ITGAE: variants seen among roughly 807,000 people sequenced by gnomAD.
ITGAE encodes the protein integrin alpha-E.
A neutral mutation model predicts 136.5 loss-of-function variants in ITGAE; 99 were observed. The ratio of observed to expected loss-of-function variants is 0.73; its 90% confidence interval spans 0.62 to 0.86. The LOEUF (loss-of-function observed/expected upper bound fraction) is 0.86. Ranked by LOEUF, ITGAE falls within the 40% of genes least tolerant of loss-of-function variation. The pLI is 0.00. For synonymous variants in ITGAE, 613 were observed against 591.8 expected, an observed-to-expected ratio of 1.04 and a Z score of -0.52; for missense variants, 1,447 against 1,515.3, an observed-to-expected ratio of 0.95 and a Z score of 0.75.
intron 30 of ITGAE, among the ~76,000 whole-genome samples, chr17:3,715,511 C>A (rs1002121872): frequency 6.6e-6 from 1 of 152,084 alleles, no homozygotes; most frequent in African/African-American, 2.4e-5. Context: ...AGAAAAGCAG[C>A]CTACGCGTAC....
At chr17:3,745,960 T>G (rs1213435446) in intron 17 of ITGAE, 33 bp from the exon 18 acceptor site, 1 of 1,598,026 alleles carries the variant, frequency 6.3e-7, no homozygotes, top group Admixed American at 1.7e-5. Flanking sequence ...CCCGATGAGG[T>G]GGGGATGAGC....
intron 1 of ITGAE, among the ~76,000 whole-genome samples, chr17:3,793,321 G>A (rs899450776): frequency 6.6e-6 from 1 of 152,032 alleles, no homozygotes; most frequent in Non-Finnish European, 1.5e-5. Flanking sequence ...AAAGTGCTGG[G>A]ATTACAGGTG....
chr17:3,771,436 G>A (rs1410858381), intron 2 of ITGAE, among the ~76,000 whole-genome samples: 2 of 152,156 alleles, frequency 1.3e-5, no homozygotes, highest in Admixed American at 6.5e-5. Context: ...GGGCCTAGGC[G>A]CCGCAGCTCA....
At chr17:3,797,140 AATAT>A (rs10538298) in intron 1 of ITGAE, among the ~76,000 whole-genome samples, 85 of 70,984 alleles carry the variant, frequency 1.2e-3, no homozygotes, top group South Asian at 8.7e-3. Flanking sequence ...CTGGAAACTA[AATAT>A]ATATATATAT....
chr17:3,763,367 G>A (rs1470423771), intron 3 of ITGAE, among the ~76,000 whole-genome samples: 3 of 151,918 alleles, frequency 2.0e-5, no homozygotes, highest in African/African-American at 4.8e-5. Context: ...CCTAATATAT[G>A]TCAGGCCCCA....
chr17:3,744,008 T>C (rs956054853), intron 18 of ITGAE, among the ~76,000 whole-genome samples: 2 of 150,926 alleles, frequency 1.3e-5, no homozygotes, highest in African/African-American at 2.4e-5. Context: ...CGGCCTCTTT[T>C]CTTTTTTTTT....
chr17:3,745,770 C>T lies in ITGAE; in HGVS notation c.2313G>A (p.Glu771=). 6.2e-7 allele frequency: 1 copy of T among 1,613,964 alleles called. No individual in the cohort carries two copies. Among genetic ancestry groups the T allele is most frequent in the Non-Finnish European group, 8.5e-7 (1 of 1,179,948 alleles). The change falls in exon 18 of 31, where the codon GAG becomes GAA. Residue 771 remains glutamate, a synonymous_variant. Coordinates refer to ENST00000263087, the MANE Select transcript of ITGAE (RefSeq NM_002208.5). ...TCCAAACTCCGTCACTTACCTCTCC[C>T]TCTGTGGGCATGAGCAGGAGGTCCT... The part of the protein sequence containing the change: ...LCEDLLLMPT[E]GELCEEDCFS...
At chr17:3,776,818 C>T (rs1217461137) in intron 2 of ITGAE, among the ~76,000 whole-genome samples, 1 of 152,148 alleles carries the variant, frequency 6.6e-6, no homozygotes, top group East Asian at 1.9e-4. Flanking sequence ...TTCAGCCTCC[C>T]TAAGTGTTGA....
intron 6 of ITGAE, 116 bp downstream of exon 6, chr17:3,760,897 A>T: frequency 7.0e-7 from 1 of 1,435,258 alleles, no homozygotes; most frequent in Non-Finnish European, 9.2e-7. Context: ...TCAGGTCTGT[A>T]AAGTCCAGCC....
At chr17:3,782,588 G>A (rs4453537) in intron 1 of ITGAE, among the ~76,000 whole-genome samples, 6,924 of 151,842 alleles carry the variant, frequency 0.046, 238 homozygotes, top group East Asian at 0.13. Context: ...GGCTGGTCTC[G>A]AACTCCTGAC....
At chr17:3,717,306 CA>C (rs2143005357) in intron 29 of ITGAE, 1 of 154,034 alleles carries the variant, frequency 6.5e-6, no homozygotes, top group East Asian at 1.9e-4. Context: ...TAAAATATGA[CA>C]AAAGTACTGG....
In ITGAE at chr17:3,724,803, G is replaced by C. The variant is rs1169209900; in HGVS notation, c.3085-1059C>G. 3 of 1,614,080 alleles carry C rather than the reference G, an allele frequency of 1.9e-6. No homozygotes were observed. The highest frequency in any genetic ancestry group is 2.5e-6 in the Non-Finnish European group (3 of 1,180,054). On this transcript the variant is annotated intron_variant, in intron 26 of 30. Transcript: ENST00000263087. Reference sequence around the variant, plus strand: ...AGAGGGTCCAGGTCTGTCAAGCACAGGCAAGAGGAGGGCCACAGGCCAGGA... The same window carrying C: ...AGAGGGTCCAGGTCTGTCAAGCACACGCAAGAGGAGGGCCACAGGCCAGGA...
In ITGAE at chr17:3,759,421, A is replaced by G; in HGVS notation, c.847T>C (p.Ser283Pro). The change falls in exon 8 of 31, where the codon TCA (serine) becomes CCA (proline). Residue 283 changes from serine (S) to proline (P), a missense_variant. Ser to Pro is a moderately conservative substitution (Grantham distance 74). Around this residue, in one of 3 missense-constraint regions of ITGAE, gnomAD observed 310 missense variants for 416.1 expected, o/e 0.74. Transcript: ENST00000263087. The part of the protein sequence containing the change: ...TQVGSVTKTA[S>P]AMQHVLDSIF... Reference sequence around the variant, plus strand: ...ACTCACAAGACGTGTTGCATGGCTGAGGCAGTCTTGGTGACACTCCCCACT... The same window carrying G: ...ACTCACAAGACGTGTTGCATGGCTGGGGCAGTCTTGGTGACACTCCCCACT... 2 of 1,613,988 alleles carry G rather than the reference A, an allele frequency of 1.2e-6. No homozygotes were observed. Among genetic ancestry groups the G allele is most frequent in the Non-Finnish European group, 8.5e-7 (1 of 1,179,880 alleles).
intron 8 of ITGAE, among the ~76,000 whole-genome samples, chr17:3,758,217 A>G (rs6502742): frequency 0.82 from 124,725 of 152,150 alleles, 52,356 homozygotes; most frequent in African/African-American, 0.96. Context: ...CCATCCAACC[A>G]TCACAAAATC....
rs191853817 is a variant in ITGAE at position 3,747,340 on chromosome 17, C to T, written c.2155+582G>A. Among the ~76,000 whole-genome samples, 658 of 151,438 alleles carry T rather than the reference C, an allele frequency of 4.3e-3. 6 individuals carry two copies. The highest frequency in any genetic ancestry group is 0.015 in the African/African-American group (614 of 41,298). Reference sequence around the variant, plus strand: ...CTGAGTCTTTTTTTTTTTTCTGAGACGGAGTCTCGCTCTGTCACCCAGCGT... The same window carrying T: ...CTGAGTCTTTTTTTTTTTTCTGAGATGGAGTCTCGCTCTGTCACCCAGCGT... On this transcript the variant is annotated intron_variant, in intron 17 of 30. Coordinates refer to ENST00000263087, the MANE Select transcript of ITGAE (RefSeq NM_002208.5).
chr17:3,757,543 G>A (rs979551313), intron 9 of ITGAE, among the ~76,000 whole-genome samples, 163 bp downstream of exon 9: 2 of 152,256 alleles, frequency 1.3e-5, no homozygotes, highest in East Asian at 3.9e-4. Flanking sequence ...ATGGGGAAAT[G>A]AGCCCTCTCT....
intron 2 of ITGAE, among the ~76,000 whole-genome samples, chr17:3,770,598 G>A (rs2052397147): frequency 2.0e-5 from 3 of 152,154 alleles, no homozygotes; most frequent in Non-Finnish European, 1.5e-5. Flanking sequence ...TTCTAGGCCC[G>A]AGTTGGCCAG....
rs576424561 is a variant in ITGAE at position 3,751,091 on chromosome 17, A to G, written c.1893+559T>C. On this transcript the variant is annotated intron_variant, in intron 15 of 30. Transcript: ENST00000263087. ...CTGAGGTTTCCGGTGTGGGGTGTGGAGGGGGATGAGGTCTCAGAGGAGCAT... is the reference window on the plus strand; with the variant it reads ...CTGAGGTTTCCGGTGTGGGGTGTGGGGGGGGATGAGGTCTCAGAGGAGCAT... 6.6e-5 allele frequency among the ~76,000 whole-genome samples: 10 copies of G among 151,484 alleles called. No homozygotes were observed. The South Asian group carries it at 1.9e-3, about 29-fold the overall frequency.
intron 20 of ITGAE, among the ~76,000 whole-genome samples, chr17:3,737,198 C>T (rs1040359333): frequency 3.3e-5 from 5 of 152,172 alleles, no homozygotes; most frequent in African/African-American, 1.2e-4. Flanking sequence ...GAGGCTGAGG[C>T]AGGAGAAGCA....
Sources: gnomAD v4.1 joint callset for allele counts (sites outside exome capture counted in the v4.1 genomes callset) on GRCh38, gnomAD v4.1.1 for gene constraint, gnomAD v4.1.1 regional missense constraint, MANE v1.5 for transcripts, NCBI Gene and HGNC (gene_info 2026-07-23, HGNC 2026-07-21) for gene names.